The following TRPM3 variants were observed in gnomAD, a reference collection of about 807,000 sequenced individuals.
TRPM3 encodes transient receptor potential cation channel subfamily M member 3, also known as long transient receptor potential channel 3.
In TRPM3, 77 loss-of-function variants were observed where a neutral mutation model predicts 181.2. That is an observed-to-expected ratio of 0.42 (90% confidence interval 0.35 to 0.51). The LOEUF is 0.51. Ranked by LOEUF, TRPM3 falls within the 20% of genes least tolerant of loss-of-function variation. The probability of loss-of-function intolerance (pLI) is 0.01; values close to 1 mark genes in which losing one functional copy is unlikely to be tolerated. For synonymous variants in TRPM3, 745 were observed against 796.4 expected (o/e 0.94, Z 1.09); for missense variants, 1,759 against 2,196.7 (o/e 0.80, Z 3.98).
intron 1 of TRPM3, among the ~76,000 whole-genome samples, chr9:70,975,021 C>T (rs187484542): frequency 2.7e-3 from 407 of 151,946 alleles, no homozygotes; most frequent in Admixed American, 4.7e-3. Flanking sequence ...GTGCCCATCA[C>T]CACATCTGGC....
At chr9:71,143,635 T>C (rs574526209) in intron 1 of TRPM3, among the ~76,000 whole-genome samples, 1 of 152,306 alleles carries the variant, frequency 6.6e-6, no homozygotes, top group South Asian at 2.1e-4. Flanking sequence ...TTGTGAATAG[T>C]GCTGCAATGA....
chr9:70,599,010 T>A (rs1364503087), intron 20 of TRPM3, among the ~76,000 whole-genome samples: 1 of 152,050 alleles, frequency 6.6e-6, no homozygotes, highest in African/African-American at 2.4e-5. Flanking sequence ...CCATATTGAG[T>A]TCCTCAGGCT....
At chr9:71,257,190 G>C (rs977566274) in intron 1 of TRPM3, among the ~76,000 whole-genome samples, 10 of 152,092 alleles carry the variant, frequency 6.6e-5, no homozygotes, top group African/African-American at 1.9e-4. Flanking sequence ...CTTTAGGAGA[G>C]GGCTTTAATA....
chr9:70,607,579 A>C (rs2061377682), intron 19 of TRPM3, among the ~76,000 whole-genome samples: 1 of 152,168 alleles, frequency 6.6e-6, no homozygotes, highest in Non-Finnish European at 1.5e-5. Context: ...GCTGCCAATG[A>C]CATAAGCAAA....
intron 1 of TRPM3, among the ~76,000 whole-genome samples, chr9:70,880,128 T>C (rs1313077727): frequency 6.6e-6 from 1 of 152,148 alleles, no homozygotes; most frequent in Non-Finnish European, 1.5e-5. Context: ...GTCTGTGCCT[T>C]CCAATTAATA....
rs1565261123 is a variant in TRPM3, at chr9:71,134,005, GTGTGTGT to G, written c.184-269501_184-269495del. On this transcript the variant is annotated intron_variant, in intron 1 of 24. Coordinates refer to the TRPM3 transcript ENST00000357533. ...TGTGTGTGTGTGTGTGTGTGTGTGT[GTGTGTGT>G]GTGCGCGTGCGCGCGCGCGCGTGTC... Among the ~76,000 whole-genome samples the G allele has an allele frequency of 4.4e-4, 60 of 135,534 alleles. 1 individual carries two copies. Among genetic ancestry groups the G allele is most frequent in the Admixed American group, 8.2e-4 (11 of 13,462 alleles). The allele number at this position is 135,534 out of a possible 152,430, so 88.9% of individuals were successfully genotyped here.
intron 1 of TRPM3, among the ~76,000 whole-genome samples, chr9:71,439,366 C>A (rs1170257184): frequency 6.6e-6 from 1 of 152,204 alleles, no homozygotes; most frequent in Non-Finnish European, 1.5e-5. Context: ...TGTTTCCATT[C>A]AGTGAATAGC....
intron 1 of TRPM3, among the ~76,000 whole-genome samples, chr9:71,137,212 C>T (rs1013041645): frequency 2.0e-5 from 3 of 152,146 alleles, no homozygotes; most frequent in Middle Eastern, 3.4e-3. Context: ...TTAAAATTCA[C>T]ACAAAACCGA....
chr9:70,642,350 A>G (rs1456188419), intron 9 of TRPM3, among the ~76,000 whole-genome samples: 1 of 152,228 alleles, frequency 6.6e-6, no homozygotes, highest in South Asian at 2.1e-4. Context: ...AGTCAGATCC[A>G]GAGAATTCCT....
intron 1 of TRPM3, among the ~76,000 whole-genome samples, chr9:71,164,711 A>G (rs1172301416): frequency 1.3e-5 from 2 of 152,136 alleles, no homozygotes; most frequent in African/African-American, 4.8e-5. Context: ...GTCAACAAAA[A>G]CAGAGGTGCC....
intron 7 of TRPM3, among the ~76,000 whole-genome samples, chr9:70,780,907 A>T (rs1206614634): frequency 6.6e-6 from 1 of 152,218 alleles, no homozygotes; most frequent in Non-Finnish European, 1.5e-5. Flanking sequence ...AGTTATGTGC[A>T]TAAACTCATA....
At chr9:70,694,977 CT>C (rs1355398183) in intron 8 of TRPM3, among the ~76,000 whole-genome samples, 2 of 152,230 alleles carry the variant, frequency 1.3e-5, no homozygotes, top group Non-Finnish European at 2.9e-5. Context: ...AACCCTCCCC[CT>C]ATTCGGGAAA....
chr9:71,420,999 A>AAGAGAGAGAAAAAGAGAGAAAAAG, intron 1 of TRPM3, among the ~76,000 whole-genome samples: 1 of 111,124 alleles, frequency 9.0e-6, no homozygotes, highest in Admixed American at 8.7e-5. Flanking sequence ...GAGAGAGAAA[A>AAGAGAGAGAAAAAGAGAGAAAAAG]AGAGAGAAAA....
intron 8 of TRPM3, chr9:70,761,396 CT>C: frequency 1.4e-6 from 1 of 712,052 alleles, no homozygotes; most frequent in Non-Finnish European, 2.6e-6. Flanking sequence ...TAAAACTCTG[CT>C]GCACACACCT....
chr9:71,343,691 A>G (rs2091110397), intron 1 of TRPM3, among the ~76,000 whole-genome samples: 1 of 151,878 alleles, frequency 6.6e-6, no homozygotes, highest in Non-Finnish European at 1.5e-5. Flanking sequence ...AAGTAATAAC[A>G]TCTCAGGAGC....
chr9:71,372,039 C>T (rs1299038530), intron 1 of TRPM3, among the ~76,000 whole-genome samples: 1 of 152,098 alleles, frequency 6.6e-6, no homozygotes, highest in Non-Finnish European at 1.5e-5. Context: ...CCATGTGTTC[C>T]ATCAATCAGC....
chr9:70,883,264 C>T (rs1049870494), intron 1 of TRPM3, among the ~76,000 whole-genome samples: 6 of 152,188 alleles, frequency 3.9e-5, no homozygotes, highest in African/African-American at 1.2e-4. Context: ...GTGGTCACTA[C>T]TTTTGACTTT....
At chr9:71,106,802 A>C (rs1208573522) in intron 1 of TRPM3, among the ~76,000 whole-genome samples, 1 of 152,154 alleles carries the variant, frequency 6.6e-6, no homozygotes, top group Non-Finnish European at 1.5e-5. Flanking sequence ...AACAGGATAA[A>C]ATGTTTCTCC....
chr9:70,858,869 T>G (rs986785693), intron 3 of TRPM3, among the ~76,000 whole-genome samples: 1 of 152,180 alleles, frequency 6.6e-6, no homozygotes, highest in African/African-American at 2.4e-5. Context: ...AGTGGAGTCT[T>G]GAAGCTTCAG....
Sources: gnomAD v4.1 joint callset for allele counts (sites outside exome capture counted in the v4.1 genomes callset) on GRCh38, gnomAD v4.1.1 for gene constraint, MANE v1.5 for transcripts, NCBI Gene and HGNC (gene_info 2026-07-23, HGNC 2026-07-21) for gene names.